STK31: variants seen among roughly 807,000 people sequenced by gnomAD.
STK31 encodes the protein serine/threonine-protein kinase 31.
A neutral mutation model predicts 129.7 loss-of-function variants in STK31; 89 were observed. The ratio of observed to expected loss-of-function variants is 0.69; its 90% confidence interval spans 0.58 to 0.82. The LOEUF (loss-of-function observed/expected upper bound fraction) is 0.82, where lower values mean the gene tolerates loss of function less well. Among genes scored for constraint, STK31 ranks in the 40% least tolerant of loss-of-function variants. The probability of loss-of-function intolerance (pLI) is 0.00; values close to 1 mark genes in which losing one functional copy is unlikely to be tolerated. For synonymous variants in STK31, 448 were observed against 395.3 expected, an observed-to-expected ratio of 1.13 and a Z score of -1.58; for missense variants, 1,187 against 1,176.4, an observed-to-expected ratio of 1.01 and a Z score of -0.13.
intron 14 of STK31, chr7:23,771,882 A>G: frequency 4.8e-6 from 1 of 210,224 alleles, no homozygotes; most frequent in Non-Finnish European, 9.4e-6. Flanking sequence ...CATACTAACA[A>G]TGTGTGTTTT....
At chr7:23,749,028 G>A (rs1021089919) in intron 8 of STK31, among the ~76,000 whole-genome samples, 4 of 152,114 alleles carry the variant, frequency 2.6e-5, no homozygotes, top group African/African-American at 9.7e-5. Context: ...ATTTTTCCAT[G>A]CTAGATCTGT....
At chr7:23,788,909 A>G (rs1034956841) in intron 21 of STK31, among the ~76,000 whole-genome samples, 1 of 152,162 alleles carries the variant, frequency 6.6e-6, no homozygotes, top group Non-Finnish European at 1.5e-5. Context: ...GAATTCCAGA[A>G]CATTATTAAC....
intron 23 of STK31, among the ~76,000 whole-genome samples, chr7:23,823,932 C>G (rs1056705213): frequency 6.6e-6 from 1 of 152,040 alleles, no homozygotes; most frequent in Non-Finnish European, 1.5e-5. Context: ...ATTTCTGAGG[C>G]CTCTGTTCTG....
chr7:23,771,024 A>G lies in STK31; in HGVS notation c.1733A>G (p.Lys578Arg). 3.7e-6 allele frequency: 6 copies of G among 1,611,320 alleles called. No individual in the cohort carries two copies. Among genetic ancestry groups the G allele is most frequent in the Non-Finnish European group, 5.1e-6 (6 of 1,178,784 alleles). ...IALVDQGDAD[K>R]EIISNTYSQV... ...ATTTAGGATCAAGGTGATGCAGACA[A>G]GGAGATAATTTCAAATACATATAGT... is the stretch of plus-strand genomic sequence containing the variant. Residue 578 changes from lysine (K) to arginine (R), a missense_variant, in exon 14 of 24, where the codon AAG (lysine) becomes AGG (arginine). Lys to Arg is a conservative substitution (Grantham distance 26, BLOSUM62 2). Coordinates refer to ENST00000355870, the MANE Select transcript of STK31 (RefSeq NM_031414.5).
At position 23,733,565 on chromosome 7, in the gene STK31, TTGGGAGACTGAGG is replaced by T. The variant is rs1432423015; in HGVS notation, c.484-1968_484-1956del. Among the ~76,000 whole-genome samples, 79 of 152,068 alleles carry T rather than the reference TTGGGAGACTGAGG, an allele frequency of 5.2e-4. 1 individual carries two copies. The South Asian group carries it at 0.016, about 31-fold the overall frequency. On this transcript the variant is annotated intron_variant, in intron 6 of 23. Transcript: ENST00000355870. ...GTCTCACGCCTGTAATCCCAGCTCT[TTGGGAGACTGAGG>T]TGGGCGGATCACGAGGTCAGGAGAT... is the stretch of plus-strand genomic sequence containing the variant.
intron 10 of STK31, among the ~76,000 whole-genome samples, chr7:23,759,088 C>CT (rs1223541321): frequency 2.0e-5 from 3 of 152,168 alleles, no homozygotes; most frequent in African/African-American, 7.2e-5. Context: ...GAAGAGGTGA[C>CT]TATTCTGAAT....
At chr7:23,826,354 G>C (rs1361662160) in intron 23 of STK31, among the ~76,000 whole-genome samples, 1 of 151,974 alleles carries the variant, frequency 6.6e-6, no homozygotes, top group African/African-American at 2.4e-5. Flanking sequence ...ATTATGTAAT[G>C]GCCTTCTTTG....
intron 5 of STK31, 92 bp from the exon 6 acceptor site, chr7:23,728,999 A>G: frequency 1.8e-6 from 2 of 1,124,134 alleles, no homozygotes; most frequent in Non-Finnish European, 1.2e-6. Context: ...ATTTTGATAT[A>G]CAGGTCATTA....
chr7:23,751,345 T>A (rs886756596), intron 8 of STK31, among the ~76,000 whole-genome samples: 1 of 152,208 alleles, frequency 6.6e-6, no homozygotes, highest in Non-Finnish European at 1.5e-5. Context: ...TTAATTCCTT[T>A]CTTTTGGATA....
At chr7:23,779,136 C>T (rs1473356352) in intron 15 of STK31, among the ~76,000 whole-genome samples, 1 of 152,180 alleles carries the variant, frequency 6.6e-6, no homozygotes, top group African/African-American at 2.4e-5. Flanking sequence ...AAGTCCATTG[C>T]AGACCCTGTT....
intron 1 of STK31, chr7:23,710,679 A>G (rs1489309013): frequency 2.7e-6 from 3 of 1,117,132 alleles, no homozygotes; most frequent in Non-Finnish European, 3.3e-6. Flanking sequence ...CGTTTCTTCC[A>G]AATTTTCATC....
intron 23 of STK31, among the ~76,000 whole-genome samples, chr7:23,825,856 G>A (rs1178020859): frequency 1.3e-5 from 2 of 151,998 alleles, no homozygotes; most frequent in African/African-American, 2.4e-5. Context: ...TTCGTTATGT[G>A]CTCAGTAGTC....
Position 23,785,513 on chromosome 7 carries a change from A to G in STK31, c.2184A>G (p.Arg728=), listed in dbSNP as rs1348057774. The change falls in exon 18 of 24, where the codon CGA becomes CGG. Residue 728 remains arginine (R), a synonymous_variant. Coordinates refer to ENST00000355870, the MANE Select transcript of STK31 (RefSeq NM_031414.5). ...GTCTCCTTACAATGAGCTTGGAACG[A>G]GATCTTCTTGATGCTGAGCCCATGA... The part of the protein sequence containing the change: ...SGGLLTMSLE[R]DLLDAEPMKE... 2 of 1,613,864 alleles carry G rather than the reference A, an allele frequency of 1.2e-6. No homozygotes were observed. Among genetic ancestry groups the G allele is most frequent in the African/African-American group, 2.7e-5 (2 of 74,900 alleles).
chr7:23,828,201 A>G (rs1794297779), intron 23 of STK31, among the ~76,000 whole-genome samples: 1 of 152,148 alleles, frequency 6.6e-6, no homozygotes, highest in Non-Finnish European at 1.5e-5. Context: ...GGTGGAGCCT[A>G]CAGAGGCAGG....
chr7:23,731,743 A>T (rs1006117101), intron 6 of STK31, among the ~76,000 whole-genome samples: 2 of 152,192 alleles, frequency 1.3e-5, no homozygotes, highest in Non-Finnish European at 2.9e-5. Context: ...CTAGTCCTAC[A>T]TGCCTGACTT....
intron 16 of STK31, among the ~76,000 whole-genome samples, chr7:23,782,488 A>AG (rs1442494739): frequency 2.0e-3 from 300 of 150,832 alleles, no homozygotes; most frequent in Non-Finnish European, 3.2e-3. Flanking sequence ...AAAAAAAAAA[A>AG]AAAAGAAAAG....
rs559476894 is a variant in STK31 at position 23,826,928 on chromosome 7, C to T, written c.2830-5208C>T. Among the ~76,000 whole-genome samples the T allele has an allele frequency of 4.6e-3, 703 of 152,162 alleles. 2 individuals carry two copies. Among genetic ancestry groups the T allele is most frequent in the South Asian group, 0.027 (128 of 4,820 alleles). On this transcript the variant is annotated intron_variant, in intron 23 of 23. Transcript: ENST00000355870. ...AGAATGTTGAATATTGGCCCCCACT[C>T]TCTTCTGGCTTGTAGAGTTTCTGCT...
chr7:23,828,375 GC>G (rs1794311030), intron 23 of STK31, among the ~76,000 whole-genome samples: 1 of 152,334 alleles, frequency 6.6e-6, no homozygotes, highest in East Asian at 1.9e-4. Flanking sequence ...GGCTCCTTGG[GC>G]GTAGGACCTT....
At chr7:23,740,325 GA>G (rs1787982046) in intron 8 of STK31, among the ~76,000 whole-genome samples, 1 of 151,996 alleles carries the variant, frequency 6.6e-6, no homozygotes. Flanking sequence ...TATCCCCTTT[GA>G]AGTCTTTTTA....
Sources: gnomAD v4.1 joint callset for allele counts (sites outside exome capture counted in the v4.1 genomes callset) on GRCh38, gnomAD v4.1.1 for gene constraint, MANE v1.5 for transcripts, NCBI Gene and HGNC (gene_info 2026-07-23, HGNC 2026-07-21) for gene names.